The following STPG2 variants were observed in gnomAD, a reference collection of about 807,000 sequenced individuals.
STPG2 encodes the protein sperm tail PG-rich repeat containing 2.
In STPG2, 56 loss-of-function variants were observed where a neutral mutation model predicts 54.2. The observed-to-expected ratio is 1.03, with a 90% CI of 0.83 to 1.29. The LOEUF is 1.29. Among genes scored for constraint, STPG2 ranks in the 50% most tolerant of loss-of-function variants. The probability of loss-of-function intolerance (pLI) is 0.00; values close to 1 mark genes in which losing one functional copy is unlikely to be tolerated. For synonymous variants in STPG2, 200 were observed against 181.8 expected, an observed-to-expected ratio of 1.10 and a Z score of -0.81; for missense variants, 596 against 544.9, an observed-to-expected ratio of 1.09 and a Z score of -0.93.
intron 10 of STPG2, among the ~76,000 whole-genome samples, chr4:97,567,938 G>A (rs911462678): frequency 6.6e-6 from 1 of 152,168 alleles, no homozygotes; most frequent in Non-Finnish European, 1.5e-5. Context: ...AAGAGTAGGA[G>A]CCCTATTGAA....
At chr4:97,460,076 T>C (rs1352394651) in intron 4 of STPG2, among the ~76,000 whole-genome samples, 1 of 152,164 alleles carries the variant, frequency 6.6e-6, no homozygotes, top group Non-Finnish European at 1.5e-5. Flanking sequence ...ATAGTTTAAC[T>C]ACAGAGAATT....
intron 4 of STPG2, among the ~76,000 whole-genome samples, chr4:97,453,467 G>T (rs1220813482): frequency 1.3e-5 from 2 of 152,180 alleles, no homozygotes; most frequent in East Asian, 1.9e-4. Flanking sequence ...CAGCGGGCCT[G>T]AGCAAAACTC....
intron 9 of STPG2, among the ~76,000 whole-genome samples, chr4:97,726,563 A>G (rs918029572): frequency 4.6e-5 from 7 of 152,018 alleles, no homozygotes; most frequent in Non-Finnish European, 7.4e-5. Context: ...AATGACATGC[A>G]GAAGTGGAAA....
At chr4:97,932,357 ATT>A (rs201004313) in intron 8 of STPG2, among the ~76,000 whole-genome samples, 19 of 151,648 alleles carry the variant, frequency 1.3e-4, no homozygotes, top group African/African-American at 4.1e-4. Context: ...ATTTTTCCAA[ATT>A]TTTTTTTAAT....
rs542685922 is a variant in STPG2, at chr4:97,693,941, G to T, written c.1320+18758C>A. On this transcript the variant is annotated intron_variant, in intron 10 of 10. Coordinates refer to ENST00000295268, the MANE Select transcript of STPG2 (RefSeq NM_174952.3). ...ATTGAGTCAACAATGAAATCAAGAT[G>T]GAAATTAAAAGACTCTGAACTGAAT... Among the ~76,000 whole-genome samples the T allele has an allele frequency of 1.3e-3, 194 of 152,138 alleles. 1 individual carries two copies. The highest frequency in any genetic ancestry group is 6.8e-3 in the Middle Eastern group (2 of 294).
At chr4:97,477,706 G>A (rs1466356923) in intron 4 of STPG2, among the ~76,000 whole-genome samples, 2 of 151,058 alleles carry the variant, frequency 1.3e-5, no homozygotes, top group Non-Finnish European at 3.0e-5. Flanking sequence ...TAGCCACGAT[G>A]GTCTCAATCT....
chr4:97,474,046 G>A (rs1313254854), intron 4 of STPG2, among the ~76,000 whole-genome samples: 1 of 152,072 alleles, frequency 6.6e-6, no homozygotes, highest in Non-Finnish European at 1.5e-5. Context: ...CCCATGGAAT[G>A]TATACTAAGA....
At chr4:97,468,096 C>A (rs1397575221) in intron 4 of STPG2, among the ~76,000 whole-genome samples, 1 of 151,778 alleles carries the variant, frequency 6.6e-6, no homozygotes, top group Non-Finnish European at 1.5e-5. Context: ...CTTGTTTAAA[C>A]AACAAAAAGT....
At chr4:98,126,250 T>C (rs1157578791) in intron 3 of STPG2, among the ~76,000 whole-genome samples, 2 of 152,170 alleles carry the variant, frequency 1.3e-5, no homozygotes, top group Non-Finnish European at 2.9e-5. Flanking sequence ...CAGAATTCCC[T>C]GGGCCAGAGT....
chr4:98,033,480 AT>A (rs1477734999), intron 5 of STPG2, among the ~76,000 whole-genome samples: 1 of 152,054 alleles, frequency 6.6e-6, no homozygotes, highest in Non-Finnish European at 1.5e-5. Flanking sequence ...CAACCAAAAA[AT>A]GTCCAGGACC....
intron 9 of STPG2, among the ~76,000 whole-genome samples, chr4:97,717,323 T>C (rs540137607): frequency 6.5e-4 from 99 of 152,356 alleles, no homozygotes; most frequent in Admixed American, 1.8e-3. Flanking sequence ...AAGGATATCT[T>C]AAAGTTATTA....
At chr4:97,817,970 G>A (rs191872696) in intron 9 of STPG2, among the ~76,000 whole-genome samples, 9 of 151,472 alleles carry the variant, frequency 5.9e-5, no homozygotes, top group East Asian at 1.9e-4. Flanking sequence ...TTCCTTTTCC[G>A]TAAAAAGTAG....
chr4:97,781,681 G>A (rs1726620634), intron 9 of STPG2, among the ~76,000 whole-genome samples: 1 of 152,044 alleles, frequency 6.6e-6, no homozygotes, highest in Non-Finnish European at 1.5e-5. Context: ...CAAAAATCAT[G>A]AATAAAATAC....
At chr4:97,443,720 G>T (rs1306474782) in intron 4 of STPG2, among the ~76,000 whole-genome samples, 1 of 151,970 alleles carries the variant, frequency 6.6e-6, no homozygotes, top group African/African-American at 2.4e-5. Context: ...AAAATCTAAA[G>T]GAAATCCTCC....
At chr4:97,935,307 T>A (rs1346250480) in intron 8 of STPG2, among the ~76,000 whole-genome samples, 1 of 152,188 alleles carries the variant, frequency 6.6e-6, no homozygotes, top group South Asian at 2.1e-4. Context: ...TTCTTCATAG[T>A]TTCAATAATT....
chr4:98,131,548 C>T (rs11729640), intron 2 of STPG2, among the ~76,000 whole-genome samples: 60,059 of 151,884 alleles, frequency 0.4, 12,124 homozygotes, highest in Middle Eastern at 0.46. Flanking sequence ...AGCCTTAAAA[C>T]ATATCTTCCT....
intron 9 of STPG2, among the ~76,000 whole-genome samples, chr4:97,803,978 G>C (rs760637134): frequency 6.6e-6 from 1 of 152,296 alleles, no homozygotes; most frequent in Admixed American, 6.5e-5. Flanking sequence ...CTGGTTGGGA[G>C]GCTGCTTTCC....
intron 4 of STPG2, among the ~76,000 whole-genome samples, chr4:97,526,427 A>G (rs1239166779): frequency 1.3e-5 from 2 of 152,094 alleles, no homozygotes; most frequent in South Asian, 4.1e-4. Context: ...CAGGACTACT[A>G]TAAAGTAGAA....
At chr4:97,821,400 G>A (rs1426118135) in intron 9 of STPG2, among the ~76,000 whole-genome samples, 8 of 152,184 alleles carry the variant, frequency 5.3e-5, no homozygotes, top group Admixed American at 5.2e-4. Context: ...ACTCTCACAG[G>A]TTGGAGTTCA....
Sources: gnomAD v4.1 joint callset for allele counts (sites outside exome capture counted in the v4.1 genomes callset) on GRCh38, gnomAD v4.1.1 for gene constraint, MANE v1.5 for transcripts, NCBI Gene and HGNC (gene_info 2026-07-23, HGNC 2026-07-21) for gene names.